The following SLC26A7 variants were observed in gnomAD, a reference collection of about 807,000 sequenced individuals.
SLC26A7 encodes anion exchange transporter.
Under a neutral mutation model 82.5 loss-of-function variants are expected in SLC26A7, and 59 were observed. The ratio of observed to expected loss-of-function variants is 0.72; its 90% CI spans 0.58 to 0.89. The LOEUF is 0.89. Ranked by LOEUF, SLC26A7 falls within the 40% of genes least tolerant of loss-of-function variation. The pLI, the probability that SLC26A7 is intolerant of heterozygous loss-of-function variation, is 0.00. For missense variants in SLC26A7, 820 were observed against 793.0 expected (o/e 1.03, Z -0.41); for synonymous variants, 271 against 274.3 (o/e 0.99, Z 0.12).
intron 16 of SLC26A7, among the ~76,000 whole-genome samples, chr8:91,393,368 A>C (rs531910837): frequency 6.6e-6 from 1 of 152,144 alleles, no homozygotes; most frequent in Non-Finnish European, 1.5e-5. Flanking sequence ...TCTCAATTTA[A>C]CATTCATGCA....
At chr8:91,319,243 A>C (rs1247458372) in intron 5 of SLC26A7, among the ~76,000 whole-genome samples, 1 of 152,160 alleles carries the variant, frequency 6.6e-6, no homozygotes, top group African/African-American at 2.4e-5. Flanking sequence ...CACCAAACAA[A>C]CATTGATTGT....
At chr8:91,314,028 G>C (rs771887496) in intron 4 of SLC26A7, among the ~76,000 whole-genome samples, 2 of 152,158 alleles carry the variant, frequency 1.3e-5, no homozygotes, top group African/African-American at 2.4e-5. Flanking sequence ...TCATGCTAGT[G>C]AATCTTGATC....
chr8:91,363,440 C>G (rs1282990607), intron 12 of SLC26A7, 32 bp from the exon 13 acceptor site: 1 of 1,328,846 alleles, frequency 7.5e-7, no homozygotes, highest in Non-Finnish European at 1.1e-6. Context: ...TAGGAAATGA[C>G]TTGTTTTATT....
chr8:91,345,333 A>G (rs748326052), intron 9 of SLC26A7, among the ~76,000 whole-genome samples: 1 of 152,160 alleles, frequency 6.6e-6, no homozygotes, highest in Non-Finnish European at 1.5e-5. Context: ...AAACATAGTG[A>G]GTGGTTCAGC....
At chr8:91,251,847 T>C (rs1331712050) in intron 2 of SLC26A7, among the ~76,000 whole-genome samples, 1 of 152,162 alleles carries the variant, frequency 6.6e-6, no homozygotes, top group African/African-American at 2.4e-5. Flanking sequence ...ACCAATGTTA[T>C]TAGTAATAGA....
chr8:91,318,164 AC>A (rs1812692617), intron 4 of SLC26A7, 51 bp from the exon 5 acceptor site: 1 of 1,506,480 alleles, frequency 6.6e-7, no homozygotes, highest in African/African-American at 1.4e-5. Flanking sequence ...CCCTCTGGGA[AC>A]TTTGGGGAGT....
chr8:91,326,392 C>T (rs555810498), intron 5 of SLC26A7, among the ~76,000 whole-genome samples: 77 of 152,184 alleles, frequency 5.1e-4, no homozygotes, highest in African/African-American at 1.8e-3. Context: ...GAGGCCTCCC[C>T]GCTTGGCTTG....
At chr8:91,316,591 A>C (rs946625336) in intron 4 of SLC26A7, among the ~76,000 whole-genome samples, 34 of 148,588 alleles carry the variant, frequency 2.3e-4, no homozygotes, top group Admixed American at 1.9e-3. Flanking sequence ...TACAGAAATG[A>C]GCCACTGTGC....
At chr8:91,248,224 A>G (rs1810574739), upstream of SLC26A7, among the ~76,000 whole-genome samples, 2 of 152,208 alleles carry the variant, frequency 1.3e-5, no homozygotes, top group African/African-American at 4.8e-5. Flanking sequence ...AGTATAAATA[A>G]ATTCCCCCCC....
chr8:91,249,648 A>G lies in SLC26A7; in HGVS notation c.-4A>G, dbSNP rs1810603695. The G allele has an allele frequency of 1.3e-6, 2 of 1,503,194 alleles. No homozygotes were observed. Among genetic ancestry groups the G allele is most frequent in the Non-Finnish European group, 8.9e-7 (1 of 1,126,938 alleles). The allele number at this position is 1,503,194 out of a possible 1,614,324, so 93.1% of individuals were successfully genotyped here. A position where few individuals can be genotyped will look rare whatever the true frequency, so the allele number is the denominator to read the frequency against. ...GTTTACTTCTACAAGAAGAAATCTGAAAAATGACAGGAGCAAAGAGGAAAA... is the reference window on the plus strand; with the variant it reads ...GTTTACTTCTACAAGAAGAAATCTGGAAAATGACAGGAGCAAAGAGGAAAA... On this transcript the variant is annotated 5_prime_UTR_variant, in exon 2 of 19. Coordinates refer to ENST00000276609, the MANE Select transcript of SLC26A7 (RefSeq NM_052832.4).
At position 91,396,698 on chromosome 8, in the gene SLC26A7, A is replaced by G. The variant is rs1161763042; in HGVS notation, c.*1601A>G. 1 of 152,046 alleles carries G rather than the reference A, an allele frequency of 6.6e-6. No homozygotes were observed. Among genetic ancestry groups the G allele is most frequent in the African/African-American group, 2.4e-5 (1 of 41,440 alleles). 9.4% of individuals were successfully genotyped at this position (152,046 alleles called of 1,614,324 possible). A position where few individuals can be genotyped will look rare whatever the true frequency, so the allele number is the denominator to read the frequency against. On this transcript the variant is annotated 3_prime_UTR_variant, in exon 19 of 19. Coordinates refer to ENST00000276609, the MANE Select transcript of SLC26A7 (RefSeq NM_052832.4). The stretch of plus-strand genomic sequence containing the variant: ...TCACTAACTTGGATTGAAATGAGTG[A>G]GGCCAACTCACATTCCCATCAAACA...
At chr8:91,376,677 T>C (rs1814525541) in intron 15 of SLC26A7, among the ~76,000 whole-genome samples, 1 of 152,102 alleles carries the variant, frequency 6.6e-6, no homozygotes, top group South Asian at 2.1e-4. Flanking sequence ...TGTGGGGCAG[T>C]TCAGGCTCCA....
At chr8:91,247,314 T>A (rs1006804539), upstream of SLC26A7, among the ~76,000 whole-genome samples, 1 of 152,206 alleles carries the variant, frequency 6.6e-6, no homozygotes, top group African/African-American at 2.4e-5. Context: ...TGTAAGCTAC[T>A]TTTAGTCATT....
At chr8:91,387,141 A>G (rs1199850766) in intron 15 of SLC26A7, among the ~76,000 whole-genome samples, 1 of 152,188 alleles carries the variant, frequency 6.6e-6, no homozygotes, top group Non-Finnish European at 1.5e-5. Context: ...ATGACCAGTC[A>G]ACATTCCACT....
rs148286762 is a variant in SLC26A7 at position 91,350,106 on chromosome 8, A to G, written c.1141-1704A>G. Among the ~76,000 whole-genome samples the G allele has an allele frequency of 3.0e-3, 460 of 152,234 alleles. 2 individuals are homozygous for G. The highest frequency in any genetic ancestry group is 6.8e-3 in the Middle Eastern group (2 of 294). On this transcript the variant is annotated intron_variant, in intron 9 of 18. Coordinates refer to ENST00000276609, the MANE Select transcript of SLC26A7 (RefSeq NM_052832.4). ...AGTAAGAATTGTTTTTCCCCTTTGT[A>G]TGCTGACGAGTGTTTGTGATGAGTT...
chr8:91,380,926 A>G (rs1463009700), intron 15 of SLC26A7, among the ~76,000 whole-genome samples: 2 of 152,194 alleles, frequency 1.3e-5, no homozygotes, highest in African/African-American at 2.4e-5. Flanking sequence ...AAATTGTGAC[A>G]TATTTATACA....
chr8:91,359,762 G>T (rs929073314), intron 11 of SLC26A7, among the ~76,000 whole-genome samples: 11 of 152,062 alleles, frequency 7.2e-5, no homozygotes, highest in Non-Finnish European at 1.3e-4. Flanking sequence ...TTCAAAGTAT[G>T]AATATTGCAC....
chr8:91,289,955 G>C (rs1210334697), intron 3 of SLC26A7, among the ~76,000 whole-genome samples: 2 of 152,054 alleles, frequency 1.3e-5, no homozygotes, highest in African/African-American at 4.8e-5. Flanking sequence ...CATGGTCTTA[G>C]GCAAAATTTT....
chr8:91,249,873 T>G (rs746174386), intron 2 of SLC26A7, 29 bp downstream of exon 2: 3 of 1,501,192 alleles, frequency 2.0e-6, no homozygotes, highest in Non-Finnish European at 2.7e-6. Flanking sequence ...GTTTCCTGTA[T>G]TATGCAGAGT....
Sources: gnomAD v4.1 joint callset for allele counts (sites outside exome capture counted in the v4.1 genomes callset) on GRCh38, gnomAD v4.1.1 for gene constraint, MANE v1.5 for transcripts, NCBI Gene and HGNC (gene_info 2026-07-23, HGNC 2026-07-21) for gene names.